Variants in CCSER1 observed in about 807,000 individuals in gnomAD.
CCSER1 encodes serine-rich coiled-coil domain-containing protein 1.
A neutral mutation model predicts 82.0 loss-of-function variants in CCSER1; 41 were observed. The ratio of observed to expected loss-of-function variants is 0.50; its 90% CI spans 0.39 to 0.65. CCSER1 has a LOEUF of 0.65. Among genes scored for constraint, CCSER1 ranks in the 30% least tolerant of loss-of-function variants. The probability of loss-of-function intolerance (pLI) is 0.00; values close to 1 mark genes in which losing one functional copy is unlikely to be tolerated. For missense variants in CCSER1, 1,119 were observed against 1,064.2 expected, an observed-to-expected ratio of 1.05 and a Z score of -0.72; for synonymous variants, 414 against 383.9, an observed-to-expected ratio of 1.08 and a Z score of -0.92.
intron 9 of CCSER1, among the ~76,000 whole-genome samples, chr4:91,070,506 T>C (rs1721318225): frequency 1.3e-5 from 2 of 152,156 alleles, no homozygotes; most frequent in African/African-American, 4.8e-5. Flanking sequence ...CCACGGACCA[T>C]GCTTGTCCAT....
intron 3 of CCSER1, among the ~76,000 whole-genome samples, chr4:90,360,468 C>T (rs547387580): frequency 1.1e-3 from 155 of 146,112 alleles, no homozygotes; most frequent in African/African-American, 3.7e-3. Context: ...GGAGACTGCT[C>T]GGGAGGCTGA....
In CCSER1 at chr4:90,894,408, G is replaced by A. The variant is rs571775781; in HGVS notation, c.2095-28962G>A. On this transcript the variant is annotated intron_variant, in intron 8 of 10. Transcript: ENST00000509176. ...TATTTACATGAAAGCATCAACATGAGCGCATGGCCCTGTGTTGAAAATGCC... is the reference window on the plus strand; with the variant it reads ...TATTTACATGAAAGCATCAACATGAACGCATGGCCCTGTGTTGAAAATGCC... Among the ~76,000 whole-genome samples the A allele has an allele frequency of 6.1e-4, 93 of 152,118 alleles. No homozygotes were observed. In the South Asian group the frequency reaches 0.019, roughly 31 times the overall value.
In CCSER1 at chr4:90,791,694, C is replaced by CA. The variant is rs1379385926; in HGVS notation, c.2011-24062dup. ...TGAAACCCCATCTCTACTAAAAATA[C>CA]AAAAAATTAGCCAGCTACTTGGGAG... On this transcript the variant is annotated intron_variant, in intron 7 of 10. Coordinates refer to ENST00000509176, the MANE Select transcript of CCSER1 (RefSeq NM_001145065.2). Among the ~76,000 whole-genome samples the CA allele has an allele frequency of 3.3e-5, 5 of 151,682 alleles. No homozygotes were observed. The South Asian group carries it at 8.3e-4, about 25-fold the overall frequency.
intron 5 of CCSER1, among the ~76,000 whole-genome samples, chr4:90,495,661 AT>A (rs1273299596): frequency 6.6e-6 from 1 of 152,198 alleles, no homozygotes; most frequent in Non-Finnish European, 1.5e-5. Flanking sequence ...ATGAACAATG[AT>A]TTATAGATTA....
chr4:90,780,657 T>TA (rs1275345033), intron 7 of CCSER1: 11 of 1,361,514 alleles, frequency 8.1e-6, no homozygotes, highest in Non-Finnish European at 1.0e-5. Flanking sequence ...ATGATTCTCT[T>TA]AAAATAATAA....
At chr4:91,115,430 G>A (rs1035403798) in intron 10 of CCSER1, among the ~76,000 whole-genome samples, 3 of 151,992 alleles carry the variant, frequency 2.0e-5, no homozygotes, top group African/African-American at 4.8e-5. Flanking sequence ...ACATTCAAGA[G>A]ATTTTCCTGC....
At chr4:91,361,306 A>G (rs1274165683) in intron 10 of CCSER1, among the ~76,000 whole-genome samples, 1 of 151,814 alleles carries the variant, frequency 6.6e-6, no homozygotes, top group African/African-American at 2.4e-5. Context: ...CATGATGTGA[A>G]TTTTACTTTA....
intron 10 of CCSER1, among the ~76,000 whole-genome samples, chr4:91,512,053 A>T (rs989082634): frequency 6.6e-6 from 1 of 152,028 alleles, no homozygotes; most frequent in Non-Finnish European, 1.5e-5. Context: ...TATTGAGTTA[A>T]CTATCTGCGA....
At chr4:91,242,887 A>G (rs1739478587) in intron 10 of CCSER1, among the ~76,000 whole-genome samples, 1 of 152,228 alleles carries the variant, frequency 6.6e-6, no homozygotes, top group African/African-American at 2.4e-5. Context: ...TGTCCCTGCC[A>G]CTGGAACACC....
intron 5 of CCSER1, among the ~76,000 whole-genome samples, chr4:90,493,774 A>G (rs1388995631): frequency 6.6e-6 from 1 of 152,178 alleles, no homozygotes. Flanking sequence ...AGCACTAAAC[A>G]TGGAAAGGAA....
chr4:91,294,283 A>G (rs1743991097), intron 10 of CCSER1, among the ~76,000 whole-genome samples: 1 of 151,968 alleles, frequency 6.6e-6, no homozygotes, highest in South Asian at 2.1e-4. Context: ...AAACTTGTAC[A>G]AATTATATGT....
At chr4:90,783,740 G>C (rs1754112200) in intron 7 of CCSER1, among the ~76,000 whole-genome samples, 1 of 152,148 alleles carries the variant, frequency 6.6e-6, no homozygotes, top group South Asian at 2.1e-4. Context: ...TAACCTTTCT[G>C]TCCACATTAC....
intron 8 of CCSER1, among the ~76,000 whole-genome samples, chr4:90,862,324 A>G (rs887335087): frequency 6.6e-6 from 1 of 151,418 alleles, no homozygotes; most frequent in Non-Finnish European, 1.5e-5. Flanking sequence ...TACGTTAGAA[A>G]CAACCTACCA....
chr4:90,810,284 T>A (rs982998869), intron 7 of CCSER1, among the ~76,000 whole-genome samples: 4 of 152,098 alleles, frequency 2.6e-5, no homozygotes, highest in Admixed American at 6.6e-5. Flanking sequence ...CTTATATGTG[T>A]CAGTTATTAT....
At chr4:90,161,900 A>G (rs1835521) in intron 1 of CCSER1, among the ~76,000 whole-genome samples, 46,439 of 151,990 alleles carry the variant, frequency 0.31, 8,228 homozygotes, top group Non-Finnish European at 0.41. Context: ...TCTACAAGCT[A>G]TCTACTTCAC....
Position 90,313,038 on chromosome 4 carries a change from G to A in CCSER1, c.1500G>A (p.Met500Ile), listed in dbSNP as rs763366209. The A allele has an allele frequency of 7.5e-6, 12 of 1,597,346 alleles. No homozygotes were observed. The Admixed American group carries it at 8.6e-5, about 11-fold the overall frequency. ...GAGCAGGTTCTTCATCTTCAAAAATGAACAGTTTGGTAAGTATATACATAT... is the reference window on the plus strand; with the variant it reads ...GAGCAGGTTCTTCATCTTCAAAAATAAACAGTTTGGTAAGTATATACATAT... ...KQRAGSSSSK[M>I]NSLDVLNNLG... is the part of the protein sequence containing the mutation. The change falls in exon 3 of 11, where the codon ATG becomes ATA. Residue 500 changes from methionine to isoleucine, a missense_variant. Coordinates refer to ENST00000509176, the MANE Select transcript of CCSER1 (RefSeq NM_001145065.2).
intron 7 of CCSER1, among the ~76,000 whole-genome samples, chr4:90,750,595 A>C (rs951246900): frequency 6.6e-6 from 1 of 152,160 alleles, no homozygotes; most frequent in African/African-American, 2.4e-5. Context: ...CAAATTTTAC[A>C]GTGAACTTAT....
chr4:91,382,999 ATT>A (rs144468064), intron 10 of CCSER1, among the ~76,000 whole-genome samples: 2,904 of 147,514 alleles, frequency 0.02, 69 homozygotes, highest in African/African-American at 0.065. Flanking sequence ...GATCATTATC[ATT>A]TTTTTTTTTT....
chr4:91,094,833 C>A (rs969372925), intron 10 of CCSER1, among the ~76,000 whole-genome samples: 3 of 152,100 alleles, frequency 2.0e-5, no homozygotes, highest in Non-Finnish European at 2.9e-5. Context: ...GCCATGATAA[C>A]TCCTGTTCCT....
Sources: gnomAD v4.1 joint callset for allele counts (sites outside exome capture counted in the v4.1 genomes callset) on GRCh38, gnomAD v4.1.1 for gene constraint, MANE v1.5 for transcripts, NCBI Gene and HGNC (gene_info 2026-07-23, HGNC 2026-07-21) for gene names.